Variants in DPP6 observed in about 807,000 individuals in gnomAD.
DPP6 encodes A-type potassium channel modulatory protein DPP6.
DPP6 carries 69 observed loss-of-function variants against 122.6 expected under a neutral mutation model. The ratio of observed to expected loss-of-function variants is 0.56; its 90% CI spans 0.46 to 0.69. The LOEUF is 0.69. Among genes scored for constraint, DPP6 ranks in the 30% least tolerant of loss-of-function variants. The pLI is 0.00. For synonymous variants in DPP6, 418 were observed against 433.1 expected, an observed-to-expected ratio of 0.97 and a Z score of 0.43; for missense variants, 928 against 1,116.9, an observed-to-expected ratio of 0.83 and a Z score of 2.41.
At chr7:153,863,026 G>A in the DPP6 span, among the ~76,000 whole-genome samples, 1 of 152,078 alleles carries the variant, frequency 6.6e-6, no homozygotes, top group South Asian at 2.1e-4. Context: ...AAATATATTG[G>A]TTGAATAATA....
intron 5 of DPP6, among the ~76,000 whole-genome samples, chr7:154,613,530 A>G (rs1834036455): frequency 6.8e-6 from 1 of 148,078 alleles, no homozygotes; most frequent in African/African-American, 2.5e-5. Flanking sequence ...GAGGCAGGAG[A>G]ATCGCTTGAA....
intron 1 of DPP6, among the ~76,000 whole-genome samples, chr7:154,013,186 G>A (rs1048171611): frequency 7.2e-5 from 11 of 152,208 alleles, no homozygotes; most frequent in African/African-American, 2.2e-4. Context: ...GTCCTGTAGC[G>A]TATGTAATCC....
the DPP6 span, among the ~76,000 whole-genome samples, chr7:153,773,134 A>G: frequency 2.0e-5 from 3 of 148,644 alleles, no homozygotes; most frequent in East Asian, 5.8e-4. Flanking sequence ...AGGTGTAACA[A>G]TACTATGTAT....
intron 1 of DPP6, among the ~76,000 whole-genome samples, chr7:154,100,145 CGATTA>C (rs1308653975): frequency 9.1e-6 from 1 of 110,480 alleles, no homozygotes; most frequent in Non-Finnish European, 1.8e-5. Flanking sequence ...GAAAAGGTTT[CGATTA>C]GATTATAATA....
chr7:154,719,607 A>G (rs544317640), intron 7 of DPP6, among the ~76,000 whole-genome samples: 2 of 152,308 alleles, frequency 1.3e-5, no homozygotes, highest in South Asian at 2.1e-4. Flanking sequence ...TGAGGTCTGC[A>G]GAGGCTACTG....
At chr7:154,644,101 C>A (rs1479256457) in intron 6 of DPP6, among the ~76,000 whole-genome samples, 1 of 152,140 alleles carries the variant, frequency 6.6e-6, no homozygotes, top group Non-Finnish European at 1.5e-5. Context: ...GTGTTTAAAA[C>A]CCAGTAGTAT....
At chr7:153,896,438 T>C (rs2128996266) in intron 1 of DPP6, among the ~76,000 whole-genome samples, 1 of 152,314 alleles carries the variant, frequency 6.6e-6, no homozygotes, top group Admixed American at 6.5e-5. Context: ...TTTTTTTCAT[T>C]CTTATAAAAA....
At chr7:154,114,593 T>C (rs941113136) in intron 1 of DPP6, among the ~76,000 whole-genome samples, 2 of 152,210 alleles carry the variant, frequency 1.3e-5, no homozygotes, top group African/African-American at 4.8e-5. Context: ...CATTGTCTCA[T>C]GCCTTTAACC....
At chr7:154,795,527 G>C (rs2150434507) in intron 11 of DPP6, among the ~76,000 whole-genome samples, 1 of 152,252 alleles carries the variant, frequency 6.6e-6, no homozygotes. Flanking sequence ...GGGCAGTGAT[G>C]ACCGCCCCCT....
intron 1 of DPP6, among the ~76,000 whole-genome samples, chr7:154,188,824 A>G (rs1444240583): frequency 6.6e-6 from 1 of 152,244 alleles, no homozygotes; most frequent in Non-Finnish European, 1.5e-5. Flanking sequence ...AACAAAATAC[A>G]ATAGGATACT....
chr7:154,101,629 T>G (rs1232532914), intron 1 of DPP6, among the ~76,000 whole-genome samples: 2 of 151,980 alleles, frequency 1.3e-5, no homozygotes, highest in Non-Finnish European at 2.9e-5. Context: ...GCATGGAGAT[T>G]TATATAAAGA....
intron 1 of DPP6, among the ~76,000 whole-genome samples, chr7:154,426,212 G>A (rs1214070581): frequency 1.3e-5 from 2 of 152,142 alleles, no homozygotes; most frequent in East Asian, 3.9e-4. Flanking sequence ...TGTTATTCAA[G>A]CCAGAAGTTT....
chr7:154,016,090 T>G (rs1483330592), intron 1 of DPP6, among the ~76,000 whole-genome samples: 1 of 152,156 alleles, frequency 6.6e-6, no homozygotes, highest in Non-Finnish European at 1.5e-5. Context: ...CCCCGAAGGC[T>G]CTCTCATAGA....
intron 1 of DPP6, among the ~76,000 whole-genome samples, chr7:154,388,574 G>A (rs1814324693): frequency 6.6e-6 from 1 of 152,104 alleles, no homozygotes; most frequent in Non-Finnish European, 1.5e-5. Context: ...GTAGACCAGA[G>A]ATAATGAGTG....
chr7:154,032,165 T>G (rs1799278191), intron 1 of DPP6, among the ~76,000 whole-genome samples: 1 of 151,464 alleles, frequency 6.6e-6, no homozygotes, highest in Non-Finnish European at 1.5e-5. Flanking sequence ...TGAGCAGGAG[T>G]CCCATTCTTA....
intron 3 of DPP6, among the ~76,000 whole-genome samples, chr7:154,521,159 G>A (rs563734934): frequency 2.4e-4 from 36 of 152,196 alleles, no homozygotes; most frequent in Middle Eastern, 3.4e-3. Flanking sequence ...CCTTTTGTTC[G>A]TTATCAGGAA....
At position 154,756,293 on chromosome 7, in the gene DPP6, C is replaced by A. The variant is rs1383977630; in HGVS notation, c.884-13124C>A. On this transcript the variant is annotated intron_variant, in intron 8 of 25. Transcript: ENST00000377770. ...GGCTTTCGGATCATCTCGTGCTGGG[C>A]TCATCTTCCCTTGCGGCTTCCTCTG... is the stretch of plus-strand genomic sequence containing the variant. Among the ~76,000 whole-genome samples the A allele has an allele frequency of 3.3e-5, 5 of 152,286 alleles. No homozygotes were observed. The East Asian group carries it at 5.8e-4, about 18-fold the overall frequency.
In DPP6 at chr7:154,174,964, C is replaced by T. The variant is rs184641519; in HGVS notation, c.243+121901C>T. ...TGATCTCGGATCACTGCAACCTCCG[C>T]CTCCCAGGTTCAAGCAATTCTGCCT... is the stretch of plus-strand genomic sequence containing the variant. On this transcript the variant is annotated intron_variant, in intron 1 of 25. Coordinates refer to ENST00000377770, the MANE Select transcript of DPP6 (RefSeq NM_130797.4). Among the ~76,000 whole-genome samples the T allele has an allele frequency of 3.8e-3, 574 of 151,838 alleles. 3 individuals carry two copies. The highest frequency in any genetic ancestry group is 0.013 in the African/African-American group (553 of 41,378).
At chr7:153,942,387 C>T (rs4726352) in intron 1 of DPP6, among the ~76,000 whole-genome samples, 37,002 of 152,166 alleles carry the variant, frequency 0.24, 5,573 homozygotes, top group East Asian at 0.59. Context: ...ATGACATCCT[C>T]AATGACACGT....
Sources: allele counts gnomAD v4.1 joint callset (sites outside exome capture counted in the v4.1 genomes callset), GRCh38; gene constraint gnomAD v4.1.1; transcripts MANE v1.5; gene names NCBI Gene and HGNC (gene_info 2026-07-23, HGNC 2026-07-21).